BMPR1B: variants seen among roughly 807,000 people sequenced by gnomAD.
BMPR1B encodes bone morphogenetic protein receptor type-1B.
In BMPR1B, 12 loss-of-function variants were observed where a neutral mutation model predicts 59.1. The ratio of observed to expected loss-of-function variants is 0.20; its 90% confidence interval spans 0.13 to 0.33. BMPR1B has a LOEUF of 0.33. Among genes scored for constraint, BMPR1B ranks in the 10% least tolerant of loss-of-function variants. The pLI is 1.00. For synonymous variants in BMPR1B, 237 were observed against 207.3 expected, an observed-to-expected ratio of 1.14 and a Z score of -1.23; for missense variants, 550 against 610.9, an observed-to-expected ratio of 0.90 and a Z score of 1.05.
chr4:94,960,993 C>T (rs1453209127), intron 2 of BMPR1B, among the ~76,000 whole-genome samples: 1 of 152,050 alleles, frequency 6.6e-6, no homozygotes, highest in Non-Finnish European at 1.5e-5. Flanking sequence ...CATGTTAAGG[C>T]TGGTGAAATA....
intron 11 of BMPR1B, among the ~76,000 whole-genome samples, chr4:95,152,017 A>G (rs935174578): frequency 1.3e-5 from 2 of 152,188 alleles, no homozygotes; most frequent in African/African-American, 4.8e-5. Context: ...TTTTAACAAT[A>G]CATATTTTTT....
intron 1 of BMPR1B, among the ~76,000 whole-genome samples, chr4:94,839,667 A>G (rs1373349210): frequency 3.5e-5 from 5 of 143,702 alleles, no homozygotes; most frequent in African/African-American, 1.3e-4. Flanking sequence ...TGCACGTGAG[A>G]TGGGTTTCCT....
intron 3 of BMPR1B, among the ~76,000 whole-genome samples, chr4:95,073,085 CA>C (rs1453552581): frequency 6.6e-6 from 1 of 152,054 alleles, no homozygotes; most frequent in African/African-American, 2.4e-5. Flanking sequence ...GCTGGGGAAA[CA>C]AAAGTTCTAA....
At chr4:95,058,411 A>G (rs1039445406) in intron 3 of BMPR1B, among the ~76,000 whole-genome samples, 2 of 152,168 alleles carry the variant, frequency 1.3e-5, no homozygotes, top group Non-Finnish European at 2.9e-5. Context: ...CCCCATAGTC[A>G]TATTGGTGTC....
At chr4:95,062,104 A>G (rs757722384) in intron 3 of BMPR1B, among the ~76,000 whole-genome samples, 3 of 152,114 alleles carry the variant, frequency 2.0e-5, no homozygotes, top group Non-Finnish European at 2.9e-5. Flanking sequence ...CTGTGAGTCA[A>G]TTCAACCTCT....
chr4:94,896,152 G>C lies in BMPR1B; in HGVS notation c.-113+20252G>C, dbSNP rs183798549. Among the ~76,000 whole-genome samples the C allele has an allele frequency of 3.6e-3, 544 of 151,954 alleles. 3 individuals carry two copies. Among genetic ancestry groups the C allele is most frequent in the Middle Eastern group, 0.01 (3 of 294 alleles). ...TATCTTTGCTAATACTAACTCAAAG[G>C]GTGAAAATGAATAATATCTTTCTTT... On this transcript the variant is annotated intron_variant, in intron 2 of 12. Transcript: ENST00000515059.
At chr4:95,072,047 C>T (rs1728346775) in intron 3 of BMPR1B, among the ~76,000 whole-genome samples, 1 of 151,942 alleles carries the variant, frequency 6.6e-6, no homozygotes, top group South Asian at 2.1e-4. Flanking sequence ...AATTGGATGG[C>T]ATGGTTTGAG....
chr4:94,787,693 A>G (rs115241807), intron 1 of BMPR1B, among the ~76,000 whole-genome samples: 4,389 of 152,308 alleles, frequency 0.029, 102 homozygotes, highest in South Asian at 0.069. Context: ...TGTAAAACTT[A>G]TATTAAATAA....
intron 1 of BMPR1B, among the ~76,000 whole-genome samples, chr4:94,759,424 T>G (rs141832182): frequency 2.2e-4 from 34 of 152,350 alleles, no homozygotes; most frequent in Admixed American, 4.6e-4. Flanking sequence ...TAAAAAGTGT[T>G]TGCAAATAAT....
intron 3 of BMPR1B, among the ~76,000 whole-genome samples, chr4:95,024,696 A>G (rs977178145): frequency 6.6e-6 from 1 of 152,204 alleles, no homozygotes; most frequent in Non-Finnish European, 1.5e-5. Flanking sequence ...CAATAAATAC[A>G]AAAACAAAGA....
chr4:95,127,129 C>T (rs953552303), intron 8 of BMPR1B, among the ~76,000 whole-genome samples: 3 of 149,856 alleles, frequency 2.0e-5, no homozygotes, highest in Non-Finnish European at 3.0e-5. Context: ...ACTCCTTATA[C>T]ATTCAGTTAT....
intron 2 of BMPR1B, among the ~76,000 whole-genome samples, chr4:94,910,558 G>A (rs1270594731): frequency 6.6e-6 from 1 of 152,044 alleles, no homozygotes; most frequent in Non-Finnish European, 1.5e-5. Context: ...TTGTCAATGT[G>A]TGCTTTTTAG....
intron 3 of BMPR1B, among the ~76,000 whole-genome samples, chr4:95,085,021 G>C (rs780773731): frequency 6.6e-6 from 1 of 152,150 alleles, no homozygotes; most frequent in Non-Finnish European, 1.5e-5. Flanking sequence ...TTGTATGTAA[G>C]TTTTTACATT....
At chr4:95,053,817 T>A (rs1408172445) in intron 3 of BMPR1B, among the ~76,000 whole-genome samples, 1 of 152,180 alleles carries the variant, frequency 6.6e-6, no homozygotes, top group African/African-American at 2.4e-5. Context: ...TATTTTATTT[T>A]ATTTTTGCCC....
intron 3 of BMPR1B, among the ~76,000 whole-genome samples, chr4:95,053,281 T>TTGTGTGTGTGTGTG (rs60404669): frequency 0.051 from 6,822 of 134,174 alleles, 287 homozygotes; most frequent in Non-Finnish European, 0.071. Flanking sequence ...TGCAGGGCAC[T>TTGTGTGTGTGTGTG]TGTGTGTGTG....
chr4:94,909,957 T>G (rs907624856), intron 2 of BMPR1B, among the ~76,000 whole-genome samples: 2 of 152,140 alleles, frequency 1.3e-5, no homozygotes, highest in African/African-American at 2.4e-5. Flanking sequence ...CAAAGTGGCA[T>G]TTTTGTTTGC....
intron 4 of BMPR1B, 46 bp from the exon 5 acceptor site, chr4:95,114,674 T>TCA (rs1560664163): frequency 2.8e-6 from 4 of 1,428,178 alleles, no homozygotes; most frequent in South Asian, 2.3e-5. Flanking sequence ...ACACACTGAC[T>TCA]CACACACACA....
intron 3 of BMPR1B, among the ~76,000 whole-genome samples, chr4:95,061,206 CACACCA>C (rs879432980): frequency 0.012 from 1,570 of 131,472 alleles, 11 homozygotes; most frequent in Admixed American, 0.013. Flanking sequence ...CACACACACA[CACACCA>C]CACACCCCTC....
intron 3 of BMPR1B, among the ~76,000 whole-genome samples, chr4:95,026,138 C>CTTTCTTTCTTTT (rs1724389310): frequency 6.8e-6 from 1 of 147,396 alleles, no homozygotes; most frequent in Non-Finnish European, 1.5e-5. Flanking sequence ...TTCTTTCTTT[C>CTTTCTTTCTTTT]TTTCTTTCTT....
Sources: gnomAD v4.1 joint callset for allele counts (sites outside exome capture counted in the v4.1 genomes callset) on GRCh38, gnomAD v4.1.1 for gene constraint, MANE v1.5 for transcripts, NCBI Gene and HGNC (gene_info 2026-07-23, HGNC 2026-07-21) for gene names.